CPXM2: variants seen among roughly 807,000 people sequenced by gnomAD.
CPXM2 encodes the protein inactive carboxypeptidase-like protein X2.
Under a neutral mutation model 86.1 loss-of-function variants are expected in CPXM2, and 66 were observed. The ratio of observed to expected loss-of-function variants is 0.77; its 90% CI spans 0.63 to 0.94. The LOEUF (loss-of-function observed/expected upper bound fraction) is 0.94. CPXM2 is among the 40% of genes least tolerant of loss of function. The pLI is 0.00. For synonymous variants in CPXM2, 388 were observed against 400.2 expected (o/e 0.97, Z 0.36); for missense variants, 948 against 1,026.3 (o/e 0.92, Z 1.04).
chr10:123,880,145 T>TGGGGGGGGCCCC, intron 2 of CPXM2, 66 bp downstream of exon 2: 1 of 407,580 alleles, frequency 2.5e-6, no homozygotes, highest in Non-Finnish European at 4.8e-6. Context: ...CAGGGGCCTG[T>TGGGGGGGGCCCC]ACCCACCCAC....
chr10:123,829,376 T>A (rs537972634), intron 4 of CPXM2, among the ~76,000 whole-genome samples: 102 of 119,230 alleles, frequency 8.6e-4, no homozygotes, highest in East Asian at 1.7e-3. Context: ...GGAAAAAAAA[T>A]TTTTTTTTTT....
chr10:123,870,653 T>A (rs1944880802), intron 2 of CPXM2, among the ~76,000 whole-genome samples: 1 of 152,142 alleles, frequency 6.6e-6, no homozygotes, highest in Non-Finnish European at 1.5e-5. Flanking sequence ...TTGGGAAATC[T>A]CTGAGCCAAT....
At chr10:123,942,709 C>T (rs1456509792), upstream of CPXM2, among the ~76,000 whole-genome samples, 1 of 152,154 alleles carries the variant, frequency 6.6e-6, no homozygotes, top group East Asian at 1.9e-4. Flanking sequence ...AGCCAGCAGC[C>T]CTCAGGAGGG....
chr10:123,895,523 G>A (rs1945330496), upstream of CPXM2, among the ~76,000 whole-genome samples: 2 of 152,194 alleles, frequency 1.3e-5, no homozygotes, highest in African/African-American at 4.8e-5. Context: ...CAGAATATAA[G>A]AAACACAGAA....
chr10:123,803,390 G>A (rs1402058148), intron 4 of CPXM2, among the ~76,000 whole-genome samples: 3 of 151,920 alleles, frequency 2.0e-5, no homozygotes, highest in African/African-American at 7.3e-5. Flanking sequence ...GGGATTATAG[G>A]TGTGTGCCAC....
At chr10:123,795,484 T>A (rs1028932316) in intron 6 of CPXM2, among the ~76,000 whole-genome samples, 1 of 152,142 alleles carries the variant, frequency 6.6e-6, no homozygotes, top group Non-Finnish European at 1.5e-5. Flanking sequence ...GCCTGGAAAG[T>A]GCAGACTCGG....
At chr10:123,748,577 T>A (rs1169027339) in intron 13 of CPXM2, among the ~76,000 whole-genome samples, 1 of 151,992 alleles carries the variant, frequency 6.6e-6, no homozygotes, top group Non-Finnish European at 1.5e-5. Context: ...ACTAAGGAGC[T>A]GAATGGAAAA....
chr10:123,818,453 T>A (rs1343736156), intron 4 of CPXM2, among the ~76,000 whole-genome samples: 1 of 152,180 alleles, frequency 6.6e-6, no homozygotes, highest in East Asian at 1.9e-4. Flanking sequence ...GTTGATTATA[T>A]TGGACCTCTT....
rs923692384 is a variant in CPXM2 at position 123,745,869 on chromosome 10, G to A, written c.*895C>T. ...CCAGGCTGATATGAGGCCAACCCAT[G>A]AGCACTCAATTCCACACAGGGGCAA... On this transcript the variant is annotated 3_prime_UTR_variant, in exon 14 of 14. Transcript: ENST00000241305. The A allele has an allele frequency of 6.6e-6, 1 of 151,936 alleles. No individual in the cohort carries two copies. The highest frequency in any genetic ancestry group is 1.5e-5 in the Non-Finnish European group (1 of 68,026). The allele number at this position is 151,936 out of a possible 1,614,324, so 9.4% of individuals were successfully genotyped here.
rs1847402966 is a variant in CPXM2, at chr10:123,799,296, G to T, written c.654-97C>A. The T allele has an allele frequency of 3.1e-5, 44 of 1,440,630 alleles. No individual in the cohort carries two copies. In the South Asian group the frequency reaches 5.1e-4, roughly 17 times the overall value. The allele number at this position is 1,440,630 out of a possible 1,614,324, so 89.2% of individuals were successfully genotyped here. ...GTGAGGAGAGCAGGTGCCAGAGGCA[G>T]ATGGCACTGGGTCAAACCCTGGCTC... On this transcript the variant is annotated intron_variant, in intron 4 of 13. Coordinates refer to ENST00000241305, the MANE Select transcript of CPXM2 (RefSeq NM_198148.3).
chr10:123,878,539 G>A (rs1348680272), intron 2 of CPXM2, among the ~76,000 whole-genome samples: 1 of 150,026 alleles, frequency 6.7e-6, no homozygotes, highest in Non-Finnish European at 1.5e-5. Context: ...GTGTGTGTGT[G>A]TGTGTGTAAT....
At chr10:123,915,983 C>T (rs1038341426) in intron 2 of CPXM2, among the ~76,000 whole-genome samples, 2 of 152,140 alleles carry the variant, frequency 1.3e-5, no homozygotes, top group East Asian at 3.9e-4. Context: ...CTCTCTGTGC[C>T]CTCTGGGAAA....
intron 6 of CPXM2, among the ~76,000 whole-genome samples, chr10:123,781,444 C>T (rs533461685): frequency 7.9e-5 from 12 of 152,342 alleles, no homozygotes; most frequent in Admixed American, 1.3e-4. Flanking sequence ...GGTCCCCCAG[C>T]CAGCCTGGTG....
At chr10:123,870,364 TC>T (rs1944872005) in intron 2 of CPXM2, among the ~76,000 whole-genome samples, 1 of 152,030 alleles carries the variant, frequency 6.6e-6, no homozygotes, top group Non-Finnish European at 1.5e-5. Flanking sequence ...GAGCTCAGAG[TC>T]CGAGGCCCTG....
intron 4 of CPXM2, among the ~76,000 whole-genome samples, chr10:123,836,130 C>T (rs781113368): frequency 2.0e-5 from 3 of 152,084 alleles, no homozygotes; most frequent in Non-Finnish European, 2.9e-5. Flanking sequence ...TGGAGATCCC[C>T]GCAACGGGGA....
At chr10:123,775,253 A>G (rs2134017425) in intron 7 of CPXM2, among the ~76,000 whole-genome samples, 1 of 152,300 alleles carries the variant, frequency 6.6e-6, no homozygotes, top group South Asian at 2.1e-4. Flanking sequence ...ATCTCCTTTG[A>G]GACCCCATAT....
intron 3 of CPXM2, among the ~76,000 whole-genome samples, chr10:123,853,251 G>C (rs992160327): frequency 1.3e-5 from 2 of 152,130 alleles, no homozygotes; most frequent in African/African-American, 4.8e-5. Context: ...AATGTTTCCT[G>C]TACAGCCTAC....
At chr10:123,817,710 A>T (rs892748703) in intron 4 of CPXM2, among the ~76,000 whole-genome samples, 1 of 152,188 alleles carries the variant, frequency 6.6e-6, no homozygotes, top group Non-Finnish European at 1.5e-5. Context: ...TCTCTCCCCC[A>T]GACTGCATCG....
intron 6 of CPXM2, among the ~76,000 whole-genome samples, chr10:123,786,379 G>C (rs1847055907): frequency 6.6e-6 from 1 of 152,150 alleles, no homozygotes; most frequent in South Asian, 2.1e-4. Context: ...GTGAGAGAGA[G>C]AATGAGAGAC....
Sources: gnomAD v4.1 joint callset for allele counts (sites outside exome capture counted in the v4.1 genomes callset) on GRCh38, gnomAD v4.1.1 for gene constraint, MANE v1.5 for transcripts, NCBI Gene and HGNC (gene_info 2026-07-23, HGNC 2026-07-21) for gene names.